The following DEK variants were observed in gnomAD, a reference collection of about 807,000 sequenced individuals.
The protein encoded by DEK is DEK proto-oncogene, also known as protein DEK.
Under a neutral mutation model 46.8 loss-of-function variants are expected in DEK, and 28 were observed. The ratio of observed to expected loss-of-function variants is 0.60; its 90% CI spans 0.44 to 0.82. The LOEUF (loss-of-function observed/expected upper bound fraction) is 0.82. DEK is among the 40% of genes least tolerant of loss of function. The pLI is 0.00. For synonymous variants in DEK, 160 were observed against 144.5 expected (o/e 1.11, Z -0.77); for missense variants, 416 against 430.6 (o/e 0.97, Z 0.30).
chr6:18,245,384 G>T (rs574668260), intron 7 of DEK, among the ~76,000 whole-genome samples: 8 of 151,146 alleles, frequency 5.3e-5, no homozygotes, highest in Non-Finnish European at 1.0e-4. Flanking sequence ...TGTCATGAAA[G>T]AAAAATAAAC....
chr6:18,228,840 T>C (rs1790262502), intron 9 of DEK, among the ~76,000 whole-genome samples: 1 of 152,228 alleles, frequency 6.6e-6, no homozygotes, highest in Non-Finnish European at 1.5e-5. Flanking sequence ...GCGCCCGCCA[T>C]TGCTGAGGCT....
In DEK at chr6:18,236,513, A is replaced by C; in HGVS notation, c.986T>G (p.Ile329Arg). 1.2e-6 allele frequency: 2 copies of C among 1,606,306 alleles called. No individual in the cohort carries two copies. Among genetic ancestry groups the C allele is most frequent in the Non-Finnish European group, 1.7e-6 (2 of 1,177,750 alleles). Reference sequence around the variant, plus strand: ...GTTAGCACTGGCCAGTAATTTCTTTATTGTTTCCTTTAACTCTTCATCTGT... The same window carrying C: ...GTTAGCACTGGCCAGTAATTTCTTTCTTGTTTCCTTTAACTCTTCATCTGT... ...PPTDEELKET[I>R]KKLLASANLE... Residue 329 changes from isoleucine to arginine, a missense_variant, in exon 9 of 11, where the codon ATA (isoleucine) becomes AGA (arginine). Coordinates refer to ENST00000652689, the MANE Select transcript of DEK (RefSeq NM_003472.4).
At chr6:18,260,628 G>A (rs1009241646) in intron 2 of DEK, among the ~76,000 whole-genome samples, 1 of 152,054 alleles carries the variant, frequency 6.6e-6, no homozygotes, top group African/African-American at 2.4e-5. Context: ...CCCTTTCTTA[G>A]GACAGACTTC....
intron 2 of DEK, among the ~76,000 whole-genome samples, chr6:18,261,907 G>C (rs961230112): frequency 6.6e-6 from 1 of 152,158 alleles, no homozygotes; most frequent in Non-Finnish European, 1.5e-5. Context: ...TGGGGGACCG[G>C]GGGTGCAATG....
At chr6:18,262,860 T>C (rs186981125) in intron 2 of DEK, among the ~76,000 whole-genome samples, 2 of 152,318 alleles carry the variant, frequency 1.3e-5, no homozygotes, top group East Asian at 3.9e-4. Context: ...TTAGGGCACA[T>C]ACCACTTTAA....
At chr6:18,237,764 C>T (rs562935573) in intron 7 of DEK, among the ~76,000 whole-genome samples, 1 of 151,370 alleles carries the variant, frequency 6.6e-6, no homozygotes, top group Admixed American at 6.6e-5. Flanking sequence ...TATGGATAAA[C>T]TACATATGCA....
At chr6:18,252,553 G>C (rs1027264290) in intron 6 of DEK, among the ~76,000 whole-genome samples, 1 of 141,852 alleles carries the variant, frequency 7.0e-6, no homozygotes, top group Non-Finnish European at 1.5e-5. Context: ...GCCTGAGCTC[G>C]ATACTATCAG....
chr6:18,229,162 G>A (rs1168639026), intron 9 of DEK, among the ~76,000 whole-genome samples: 1 of 152,234 alleles, frequency 6.6e-6, no homozygotes, highest in African/African-American at 2.4e-5. Flanking sequence ...CAACAGACCT[G>A]CAGCTGAGGG....
At chr6:18,239,384 A>C (rs937020390) in intron 7 of DEK, among the ~76,000 whole-genome samples, 12 of 107,472 alleles carry the variant, frequency 1.1e-4, no homozygotes, top group African/African-American at 4.5e-4. Context: ...TGGTCTCGCT[A>C]TGTTACCCAT....
chr6:18,242,255 A>G (rs994892168), intron 7 of DEK, among the ~76,000 whole-genome samples: 23 of 152,302 alleles, frequency 1.5e-4, no homozygotes, highest in African/African-American at 5.1e-4. Flanking sequence ...CCCAGCTACT[A>G]GGGTGGCTGT....
At position 18,263,853 on chromosome 6, in the gene DEK, C is replaced by T. The variant is rs770229565; in HGVS notation, c.135G>A (p.Glu45=). Residue 45 remains glutamate (E), a synonymous_variant, in exon 2 of 11, where the codon GAG becomes GAA. Coordinates refer to ENST00000652689, the MANE Select transcript of DEK (RefSeq NM_003472.4). Reference sequence around the variant, plus strand: ...TGCGACTCCCCCCACCTTTTTCCTCCTCCTCCTCCTCCTCGTCGTCCTCGT... The same window carrying T: ...TGCGACTCCCCCCACCTTTTTCCTCTTCCTCCTCCTCCTCGTCGTCCTCGT... The part of the protein sequence containing the change: ...EEDEDDEEEE[E]EEKEKSLIVE... The T allele has an allele frequency of 1.9e-6, 3 of 1,611,542 alleles. No homozygotes were observed. The highest frequency in any genetic ancestry group is 2.5e-6 in the Non-Finnish European group (3 of 1,178,798).
intron 6 of DEK, among the ~76,000 whole-genome samples, chr6:18,251,900 T>G (rs1198003494): frequency 6.6e-6 from 1 of 152,004 alleles, no homozygotes; most frequent in Non-Finnish European, 1.5e-5. Flanking sequence ...GAAAAGATGT[T>G]AAGTTATTCA....
At position 18,225,629 on chromosome 6, in the gene DEK, AG is replaced by A; in HGVS notation, c.*89del. The A allele has an allele frequency of 1.4e-6, 2 of 1,450,122 alleles. No individual in the cohort carries two copies. Among genetic ancestry groups the A allele is most frequent in the Non-Finnish European group, 1.9e-6 (2 of 1,063,354 alleles). 89.8% of individuals were successfully genotyped at this position (1,450,122 alleles called of 1,614,324 possible). A position where few individuals can be genotyped will look rare whatever the true frequency, so the allele number is the denominator to read the frequency against. On this transcript the variant is annotated 3_prime_UTR_variant, in exon 11 of 11. Transcript: ENST00000652689. ...TACTAACGTTGCTTAACAAGGATTTAGAAAAGGAAATACATTCTCTTTGCTG... is the reference window on the plus strand; with the variant it reads ...TACTAACGTTGCTTAACAAGGATTTAAAAAGGAAATACATTCTCTTTGCTG...
intron 9 of DEK, among the ~76,000 whole-genome samples, chr6:18,233,847 G>C (rs568876023): frequency 1.3e-5 from 2 of 152,138 alleles, no homozygotes; most frequent in East Asian, 1.9e-4. Flanking sequence ...CATTACTGGG[G>C]ATATACCCAA....
At chr6:18,233,198 A>G (rs535782240) in intron 9 of DEK, among the ~76,000 whole-genome samples, 1 of 152,326 alleles carries the variant, frequency 6.6e-6, no homozygotes, top group South Asian at 2.1e-4. Flanking sequence ...ACAAAAATTA[A>G]TTCAAGATGG....
At chr6:18,263,340 T>G (rs1228959943) in intron 2 of DEK, among the ~76,000 whole-genome samples, 1 of 152,232 alleles carries the variant, frequency 6.6e-6, no homozygotes, top group Non-Finnish European at 1.5e-5. Flanking sequence ...GGAGGGAAAC[T>G]TTTTGGTAAA....
At chr6:18,241,763 A>C (rs912033980) in intron 7 of DEK, among the ~76,000 whole-genome samples, 1 of 152,192 alleles carries the variant, frequency 6.6e-6, no homozygotes, top group Non-Finnish European at 1.5e-5. Context: ...CATTTTTTTA[A>C]ACAATCATTT....
At chr6:18,239,895 T>C (rs1031537854) in intron 7 of DEK, among the ~76,000 whole-genome samples, 1 of 152,180 alleles carries the variant, frequency 6.6e-6, no homozygotes, top group African/African-American at 2.4e-5. Flanking sequence ...ATACACAGAA[T>C]ACAATAATCA....
In DEK at chr6:18,237,430, C is replaced by T. The variant is rs1013062; in HGVS notation, c.849G>A (p.Lys283=). ...SKKSVKSANV[K]KADSSTTKKN... ...TCTTGGTGGTGCTGCTATCTGCTTT[C>T]TTAACATTGGCACTTTTCACAGATT... The change falls in exon 8 of 11, where the codon AAG becomes AAA. Residue 283 remains lysine, a synonymous_variant. Coordinates refer to ENST00000652689, the MANE Select transcript of DEK (RefSeq NM_003472.4). 323,139 of 1,609,706 alleles carry T rather than the reference C, an allele frequency of 0.2. 33,797 individuals carry two copies. The highest frequency in any genetic ancestry group is 0.24 in the South Asian group (21,883 of 90,386).
Sources: gnomAD v4.1 joint callset for allele counts (sites outside exome capture counted in the v4.1 genomes callset) on GRCh38, gnomAD v4.1.1 for gene constraint, MANE v1.5 for transcripts, NCBI Gene and HGNC (gene_info 2026-07-23, HGNC 2026-07-21) for gene names.